Variants in TAFA2 observed in about 807,000 individuals in gnomAD.
TAFA2 encodes the protein TAFA chemokine like family member 2, also known as chemokine-like protein TAFA-2.
A neutral mutation model predicts 18.8 loss-of-function variants in TAFA2; 7 were observed. That is an observed-to-expected ratio of 0.37 (90% CI 0.21 to 0.70). TAFA2 has a LOEUF of 0.70. TAFA2 is among the 30% of genes least tolerant of loss of function. The pLI is 0.53. For missense variants in TAFA2, 122 were observed against 158.1 expected (o/e 0.77, Z 1.23); for synonymous variants, 60 against 54.2 (o/e 1.11, Z -0.47).
intron 1 of TAFA2, among the ~76,000 whole-genome samples, chr12:61,877,449 C>T (rs1034869152): frequency 6.6e-6 from 1 of 152,032 alleles, no homozygotes; most frequent in Non-Finnish European, 1.5e-5. Flanking sequence ...AGAAATTTTC[C>T]CACTGGTGAG....
At chr12:61,912,615 C>T (rs1449436180) in intron 1 of TAFA2, among the ~76,000 whole-genome samples, 1 of 151,992 alleles carries the variant, frequency 6.6e-6, no homozygotes, top group Non-Finnish European at 1.5e-5. Context: ...AACCAAATGC[C>T]CAGACATTGT....
rs1869204820 is a variant in TAFA2, at chr12:61,755,129, C to T, written c.107-105G>A. 4 of 1,002,206 alleles carry T rather than the reference C, an allele frequency of 4.0e-6. No homozygotes were observed. The South Asian group carries it at 7.0e-5, about 18-fold the overall frequency. The allele number at this position is 1,002,206 out of a possible 1,614,324, so 62.1% of individuals were successfully genotyped here. A position where few individuals can be genotyped will look rare whatever the true frequency, so the allele number is the denominator to read the frequency against. On this transcript the variant is annotated intron_variant, in intron 2 of 4. Coordinates refer to ENST00000416284, the MANE Select transcript of TAFA2 (RefSeq NM_178539.5). ...ATTAAATATAGCTCTATAAGGGGTCCACCAGGCATGAAACGAGAAATACAA... is the reference window on the plus strand; with the variant it reads ...ATTAAATATAGCTCTATAAGGGGTCTACCAGGCATGAAACGAGAAATACAA...
intron 2 of TAFA2, among the ~76,000 whole-genome samples, chr12:61,832,182 C>A (rs1019046664): frequency 6.6e-6 from 1 of 151,992 alleles, no homozygotes; most frequent in African/African-American, 2.4e-5. Context: ...CACTTGTACC[C>A]AACACCATAA....
intron 1 of TAFA2, among the ~76,000 whole-genome samples, chr12:62,136,479 A>G (rs182344524): frequency 8.5e-5 from 13 of 152,294 alleles, no homozygotes; most frequent in Admixed American, 8.5e-4. Context: ...ACAGAGGACA[A>G]AACTTTTCAG....
intron 1 of TAFA2, among the ~76,000 whole-genome samples, chr12:62,152,527 A>G (rs760956111): frequency 5.3e-5 from 8 of 152,202 alleles, no homozygotes; most frequent in Admixed American, 6.5e-5. Flanking sequence ...CTGGATTTGA[A>G]GGATAGACAA....
At chr12:62,003,348 C>T (rs1472066985) in intron 1 of TAFA2, among the ~76,000 whole-genome samples, 1 of 152,164 alleles carries the variant, frequency 6.6e-6, no homozygotes, top group African/African-American at 2.4e-5. Flanking sequence ...CATCTGCTAA[C>T]TCAATCCAGG....
chr12:61,794,592 G>C (rs575661397), intron 2 of TAFA2, among the ~76,000 whole-genome samples: 5 of 152,044 alleles, frequency 3.3e-5, no homozygotes, highest in African/African-American at 1.2e-4. Flanking sequence ...TCGATTCACC[G>C]TGTATTTATC....
rs772431122 is a variant in TAFA2, at chr12:61,867,325, T to C, written c.101A>G (p.His34Arg). Residue 34 changes from histidine (H) to arginine (R), a missense_variant, in exon 2 of 5, where the codon CAT becomes CGT. This residue lies in a region of TAFA2 where 62 missense variants were observed against 55.5 expected (regional missense o/e 1.12). Transcript: ENST00000416284. ...AAAAAAACAGAAAAGCTTACCTTTATGATGGTTTGCACTGGATACAACTTT... is the reference window on the plus strand; with the variant it reads ...AAAAAAACAGAAAAGCTTACCTTTACGATGGTTTGCACTGGATACAACTTT... ...WGKVVSSANH[H>R]KAHHVKTGTC... The C allele has an allele frequency of 8.3e-6, 13 of 1,572,674 alleles. No homozygotes were observed. The highest frequency in any genetic ancestry group is 1.0e-5 in the Non-Finnish European group (12 of 1,154,484).
At chr12:61,818,843 T>C (rs554388765) in intron 2 of TAFA2, among the ~76,000 whole-genome samples, 1 of 152,340 alleles carries the variant, frequency 6.6e-6, no homozygotes, top group Admixed American at 6.5e-5. Context: ...ATAAGCAGTT[T>C]AATTCATTTA....
chr12:61,726,056 G>C (rs1870152147), intron 4 of TAFA2, among the ~76,000 whole-genome samples: 1 of 151,200 alleles, frequency 6.6e-6, no homozygotes, highest in Non-Finnish European at 1.5e-5. Context: ...TCACACGTGG[G>C]GAAATAACAT....
chr12:62,227,475 A>G (rs2062791959), intron 1 of TAFA2, among the ~76,000 whole-genome samples: 1 of 152,026 alleles, frequency 6.6e-6, no homozygotes, highest in Admixed American at 6.6e-5. Context: ...AAAGTAAATT[A>G]TTTGTTTTCT....
intron 1 of TAFA2, among the ~76,000 whole-genome samples, chr12:62,244,178 C>A (rs2136991250): frequency 6.7e-6 from 1 of 149,778 alleles, no homozygotes; most frequent in South Asian, 2.1e-4. Flanking sequence ...AAAAATCATC[C>A]ATAATCCATA....
intron 1 of TAFA2, among the ~76,000 whole-genome samples, chr12:62,060,554 T>C (rs1882319283): frequency 6.6e-6 from 1 of 152,238 alleles, no homozygotes; most frequent in African/African-American, 2.4e-5. Context: ...CTATACCATA[T>C]TTATCATTGT....
At chr12:61,728,916 A>G (rs1870306281) in intron 4 of TAFA2, among the ~76,000 whole-genome samples, 1 of 151,918 alleles carries the variant, frequency 6.6e-6, no homozygotes. Context: ...TCTTTTAACA[A>G]TCTTATAGTA....
At chr12:61,932,366 G>A (rs905027562) in intron 1 of TAFA2, among the ~76,000 whole-genome samples, 1 of 152,136 alleles carries the variant, frequency 6.6e-6, no homozygotes, top group African/African-American at 2.4e-5. Context: ...TGCCTCCCAA[G>A]ACTGAGAAAA....
At chr12:61,726,632 G>A (rs1164100734) in intron 4 of TAFA2, among the ~76,000 whole-genome samples, 2 of 151,984 alleles carry the variant, frequency 1.3e-5, no homozygotes, top group Non-Finnish European at 2.9e-5. Context: ...GGAGCTTTTT[G>A]GATGAGTCCT....
chr12:61,733,134 G>A (rs1484823228), intron 4 of TAFA2, among the ~76,000 whole-genome samples: 2 of 151,672 alleles, frequency 1.3e-5, no homozygotes, highest in African/African-American at 4.8e-5. Flanking sequence ...TTTTTTTCTT[G>A]TAAATGTGTT....
intron 2 of TAFA2, among the ~76,000 whole-genome samples, chr12:61,863,604 T>C (rs1874218772): frequency 6.6e-6 from 1 of 152,086 alleles, no homozygotes; most frequent in Non-Finnish European, 1.5e-5. Flanking sequence ...CCAACCAAAA[T>C]CCTGAATAAG....
chr12:61,825,931 A>G (rs1476286915), intron 2 of TAFA2, among the ~76,000 whole-genome samples: 2 of 152,134 alleles, frequency 1.3e-5, no homozygotes, highest in African/African-American at 4.8e-5. Flanking sequence ...AAAATGGAAC[A>G]TAACCAAAAC....
Sources: gnomAD v4.1 joint callset for allele counts (sites outside exome capture counted in the v4.1 genomes callset) on GRCh38, gnomAD v4.1.1 for gene constraint, gnomAD v4.1.1 regional missense constraint, MANE v1.5 for transcripts, NCBI Gene and HGNC (gene_info 2026-07-23, HGNC 2026-07-21) for gene names.